XPOT: variants seen among roughly 807,000 people sequenced by gnomAD.
XPOT encodes exportin-T.
In XPOT, 34 loss-of-function variants were observed where a neutral mutation model predicts 128.2. The observed-to-expected ratio is 0.27, with a 90% CI of 0.20 to 0.35. The LOEUF (loss-of-function observed/expected upper bound fraction) is 0.35. Among genes scored for constraint, XPOT ranks in the 10% least tolerant of loss-of-function variants. XPOT has a pLI of 1.00. For missense variants in XPOT, 838 were observed against 1,125.3 expected, an observed-to-expected ratio of 0.74 and a Z score of 3.65; for synonymous variants, 348 against 394.3, an observed-to-expected ratio of 0.88 and a Z score of 1.39.
chr12:64,427,628 C>T (rs1488839581), intron 15 of XPOT, among the ~76,000 whole-genome samples: 1 of 152,042 alleles, frequency 6.6e-6, no homozygotes, highest in Non-Finnish European at 1.5e-5. Flanking sequence ...CCCTGAGCAC[C>T]TGGGACTACA....
In XPOT at chr12:64,420,115, T is replaced by C; in HGVS notation, c.535T>C (p.Cys179Arg). ...TLIKDTMREQ[C>R]IPNLVESWYQ... The stretch of plus-strand genomic sequence containing the variant: ...CATAAAAGATACCATGAGGGAACAG[T>C]GCATTCCAAATCTGGTGGAATCATG... The change falls in exon 7 of 25, where the codon TGC becomes CGC. Residue 179 changes from cysteine (C) to arginine (R), a missense_variant. By Grantham distance (180) the Cys-to-Arg change is radical. Around this residue, in one of 3 missense-constraint regions of XPOT, gnomAD observed 761 missense variants for 988.3 expected, o/e 0.77. Coordinates refer to ENST00000332707, the MANE Select transcript of XPOT (RefSeq NM_007235.6). 2 of 1,605,298 alleles carry C rather than the reference T, an allele frequency of 1.2e-6. No homozygotes were observed. Among genetic ancestry groups the C allele is most frequent in the Non-Finnish European group, 1.7e-6 (2 of 1,177,094 alleles).
chr12:64,432,605 T>G (rs1379680585), intron 18 of XPOT, among the ~76,000 whole-genome samples: 1 of 152,196 alleles, frequency 6.6e-6, no homozygotes. Context: ...TCATTTGATC[T>G]TCATACCTAC....
At chr12:64,413,941 A>C (rs2040064204) in intron 2 of XPOT, among the ~76,000 whole-genome samples, 1 of 152,246 alleles carries the variant, frequency 6.6e-6, no homozygotes, top group Non-Finnish European at 1.5e-5. Context: ...AATATTTACC[A>C]ATTGAAATTA....
intron 14 of XPOT, 72 bp from the exon 15 acceptor site, chr12:64,425,743 A>C: frequency 1.3e-6 from 2 of 1,485,160 alleles, no homozygotes; most frequent in Admixed American, 1.7e-5. Context: ...GGTGTGAACA[A>C]AAATGTAGCA....
rs752212606 is a variant in XPOT at position 64,410,083 on chromosome 12, C to T, written c.48C>T (p.Asp16=). ...LLGLNPNADS[D]FRQRALAYFE... ...GGCTAAATCCAAATGCTGATTCAGA[C>T]TTTAGACAAAGGGTAAGTTACTCTG... The change falls in exon 2 of 25, where the codon GAC becomes GAT. Residue 16 remains aspartate (D), a synonymous_variant. Coordinates refer to ENST00000332707, the MANE Select transcript of XPOT (RefSeq NM_007235.6). 5.0e-6 allele frequency: 8 copies of T among 1,613,712 alleles called. No homozygotes were observed. The highest frequency in any genetic ancestry group is 6.8e-6 in the Non-Finnish European group (8 of 1,179,912).
intron 15 of XPOT, among the ~76,000 whole-genome samples, chr12:64,427,727 A>C (rs191039490): frequency 6.6e-6 from 1 of 152,128 alleles, no homozygotes; most frequent in African/African-American, 2.4e-5. Context: ...TCTTTAGCTC[A>C]GTCTTCCCAC....
intron 3 of XPOT, 26 bp downstream of exon 3, chr12:64,415,015 C>T (rs375213242): frequency 6.1e-5 from 87 of 1,428,534 alleles, no homozygotes; most frequent in Middle Eastern, 5.9e-4. Flanking sequence ...ATTTGCATGA[C>T]AATTTAAATT....
At chr12:64,433,065 G>C (rs1453423756) in intron 18 of XPOT, among the ~76,000 whole-genome samples, 2 of 152,126 alleles carry the variant, frequency 1.3e-5, no homozygotes, top group Non-Finnish European at 2.9e-5. Flanking sequence ...TCAGCCTCCT[G>C]AGTAGCTTGG....
intron 16 of XPOT, among the ~76,000 whole-genome samples, chr12:64,429,258 T>C (rs1228263437): frequency 6.6e-6 from 1 of 152,146 alleles, no homozygotes; most frequent in South Asian, 2.1e-4. Context: ...ATTTGCCTTA[T>C]GTATTTGTTC....
chr12:64,420,574 A>G (rs912663477), intron 8 of XPOT, 53 bp downstream of exon 8: 9 of 1,363,790 alleles, frequency 6.6e-6, no homozygotes, highest in African/African-American at 1.5e-5. Context: ...ACAAACTGGG[A>G]TAGGTACTAA....
At chr12:64,409,790 C>G (rs1427920288) in intron 1 of XPOT, 172 bp from the exon 2 acceptor site, 2 of 489,182 alleles carry the variant, frequency 4.1e-6, no homozygotes, top group Non-Finnish European at 7.3e-6. Context: ...TTAGCAGAGC[C>G]CATTTTTCTG....
intron 2 of XPOT, among the ~76,000 whole-genome samples, chr12:64,413,161 A>G (rs1471962591): frequency 1.3e-5 from 2 of 152,160 alleles, no homozygotes; most frequent in African/African-American, 4.8e-5. Flanking sequence ...TCCCACACCA[A>G]GTTACCTCAT....
At chr12:64,424,893 CT>C in intron 12 of XPOT, 144 bp from the exon 13 acceptor site, 1 of 1,316,162 alleles carries the variant, frequency 7.6e-7, no homozygotes, top group Non-Finnish European at 1.0e-6. Context: ...TCCTTTCTAC[CT>C]TTGTGATGTA....
rs76612256 is a variant in XPOT, at chr12:64,417,924, A to G, written c.201-122A>G. 1.6e-3 allele frequency: 987 copies of G among 632,616 alleles called. 13 individuals carry two copies. The African/African-American group carries it at 0.017, about 11-fold the overall frequency. 39.2% of individuals were successfully genotyped at this position (632,616 alleles called of 1,614,324 possible). A position where few individuals can be genotyped will look rare whatever the true frequency, so the allele number is the denominator to read the frequency against. The stretch of plus-strand genomic sequence containing the variant: ...ATGAGTGGCATTATCAGTTTATGTT[A>G]GGGAACTTCAGATAATTGAGAGCTA... On this transcript the variant is annotated intron_variant, in intron 4 of 24. Transcript: ENST00000332707.
chr12:64,410,808 T>C (rs989500189), intron 2 of XPOT, among the ~76,000 whole-genome samples: 3 of 149,444 alleles, frequency 2.0e-5, no homozygotes, highest in Non-Finnish European at 3.0e-5. Context: ...TATAGCTGAA[T>C]GATAGAAAAA....
intron 23 of XPOT, among the ~76,000 whole-genome samples, chr12:64,442,250 G>A (rs1026623982): frequency 6.6e-6 from 1 of 151,792 alleles, no homozygotes; most frequent in Non-Finnish European, 1.5e-5. Context: ...GCAGTTCTCC[G>A]GCCTCAGCCT....
chr12:64,430,597 G>A (rs1171121514), intron 17 of XPOT, among the ~76,000 whole-genome samples: 1 of 152,140 alleles, frequency 6.6e-6, no homozygotes, highest in Non-Finnish European at 1.5e-5. Flanking sequence ...GACATCTTTG[G>A]TTAGTCTTGG....
chr12:64,433,396 A>G lies in XPOT; in HGVS notation c.2263-18A>G, dbSNP rs1444283885. On this transcript the variant is annotated intron_variant, in intron 18 of 24. Transcript: ENST00000332707. ...AATATTGTTACTAATTTCTGAAGTAATGATTGTTTATCTTCAGATACAGGT... is the reference window on the plus strand; with the variant it reads ...AATATTGTTACTAATTTCTGAAGTAGTGATTGTTTATCTTCAGATACAGGT... The G allele has an allele frequency of 1.3e-6, 2 of 1,508,118 alleles. No homozygotes were observed. The highest frequency in any genetic ancestry group is 2.4e-5 in the East Asian group (1 of 41,762). The allele number at this position is 1,508,118 out of a possible 1,614,324, so 93.4% of individuals were successfully genotyped here.
chr12:64,449,990 T>G lies in XPOT; in HGVS notation c.*1859T>G, dbSNP rs2040396923. 6.6e-6 allele frequency: 1 copy of G among 152,136 alleles called. No individual in the cohort carries two copies. Among genetic ancestry groups the G allele is most frequent in the Non-Finnish European group, 1.5e-5 (1 of 68,024 alleles). The allele number at this position is 152,136 out of a possible 1,614,324, so 9.4% of individuals were successfully genotyped here. On this transcript the variant is annotated 3_prime_UTR_variant, in exon 25 of 25. Coordinates refer to ENST00000332707, the MANE Select transcript of XPOT (RefSeq NM_007235.6). ...TGTCTCCCAGCCTCAGTTTCCCTATTTGTAAAATGGAAATAATGGTAGCTA... is the reference window on the plus strand; with the variant it reads ...TGTCTCCCAGCCTCAGTTTCCCTATGTGTAAAATGGAAATAATGGTAGCTA...
Sources: allele counts gnomAD v4.1 joint callset (sites outside exome capture counted in the v4.1 genomes callset), GRCh38; gene constraint gnomAD v4.1.1; regional missense constraint gnomAD v4.1.1; transcripts MANE v1.5; gene names NCBI Gene and HGNC (gene_info 2026-07-23, HGNC 2026-07-21).